NKAIN3: variants seen among roughly 807,000 people sequenced by gnomAD.
NKAIN3 encodes the protein sodium/potassium-transporting ATPase subunit beta-1-interacting protein 3.
In NKAIN3, 25 loss-of-function variants were observed where a neutral mutation model predicts 30.2. That is an observed-to-expected ratio of 0.83 (90% confidence interval 0.60 to 1.16). NKAIN3 has a LOEUF of 1.16. Among genes scored for constraint, NKAIN3 ranks in the 50% most tolerant of loss-of-function variants. NKAIN3 has a pLI of 0.00. For synonymous variants in NKAIN3, 91 were observed against 89.6 expected, an observed-to-expected ratio of 1.02 and a Z score of -0.09; for missense variants, 225 against 254.1, an observed-to-expected ratio of 0.89 and a Z score of 0.78.
chr8:62,756,990 G>A (rs149291794), intron 4 of NKAIN3, among the ~76,000 whole-genome samples: 2 of 152,230 alleles, frequency 1.3e-5, no homozygotes, highest in African/African-American at 4.8e-5. Flanking sequence ...ATGCAAACAT[G>A]AGTTATGACA....
chr8:62,260,234 GGA>G (rs1221871713), intron 1 of NKAIN3, among the ~76,000 whole-genome samples: 1 of 151,930 alleles, frequency 6.6e-6, no homozygotes, highest in Admixed American at 6.6e-5. Flanking sequence ...TTTGCATGTG[GGA>G]AGCCATAGGC....
At chr8:62,779,857 G>T (rs193226942) in intron 4 of NKAIN3, among the ~76,000 whole-genome samples, 139 of 151,662 alleles carry the variant, frequency 9.2e-4, no homozygotes, top group Middle Eastern at 6.8e-3. Context: ...GAAAATCTTA[G>T]AAAAAATTCA....
chr8:62,535,187 G>A (rs1035885445), intron 1 of NKAIN3, among the ~76,000 whole-genome samples: 1 of 152,278 alleles, frequency 6.6e-6, no homozygotes, highest in South Asian at 2.1e-4. Context: ...AGTACTGACA[G>A]CACATGCCAC....
At chr8:62,285,135 C>T (rs918818349) in intron 1 of NKAIN3, among the ~76,000 whole-genome samples, 1 of 152,004 alleles carries the variant, frequency 6.6e-6, no homozygotes, top group Non-Finnish European at 1.5e-5. Flanking sequence ...CTGGTGTATC[C>T]CACGCTTCGC....
At chr8:62,887,358 GC>G (rs539783507) in intron 4 of NKAIN3, among the ~76,000 whole-genome samples, 105 of 151,414 alleles carry the variant, frequency 6.9e-4, no homozygotes, top group Admixed American at 3.0e-3. Context: ...AGTTTTTTTG[GC>G]ATTTATCCTG....
chr8:62,863,690 GC>G (rs1820328490), intron 4 of NKAIN3: 4 of 1,444,068 alleles, frequency 2.8e-6, no homozygotes, highest in African/African-American at 1.4e-5. Context: ...TTCATCCAAG[GC>G]TGTGTCTGTA....
intron 1 of NKAIN3, among the ~76,000 whole-genome samples, chr8:62,353,730 A>G (rs1269599967): frequency 6.6e-6 from 1 of 152,190 alleles, no homozygotes; most frequent in East Asian, 1.9e-4. Context: ...TCCTACCCTT[A>G]TAGAGAATTT....
At chr8:62,920,111 CA>C (rs1303828201) in intron 5 of NKAIN3, among the ~76,000 whole-genome samples, 1 of 151,852 alleles carries the variant, frequency 6.6e-6, no homozygotes, top group Admixed American at 6.6e-5. Flanking sequence ...GCTGCACAGC[CA>C]AAAAACAGTT....
chr8:62,631,965 G>C (rs1811976864), intron 3 of NKAIN3, among the ~76,000 whole-genome samples: 1 of 152,100 alleles, frequency 6.6e-6, no homozygotes, highest in Non-Finnish European at 1.5e-5. Context: ...GTTAGGCACT[G>C]GATAATACAT....
At chr8:62,552,822 G>A (rs184641900) in intron 1 of NKAIN3, among the ~76,000 whole-genome samples, 8 of 152,298 alleles carry the variant, frequency 5.3e-5, no homozygotes, top group Admixed American at 5.2e-4. Flanking sequence ...ATCACTAGAA[G>A]GTGATTCTGA....
At chr8:62,765,253 AAAAAAAAAAAAAAG>A in intron 4 of NKAIN3, among the ~76,000 whole-genome samples, 1 of 145,930 alleles carries the variant, frequency 6.9e-6, no homozygotes. Context: ...TCTCAAAAAA[AAAAAAAAAAAAAAG>A]AAAAGAAAAG....
At chr8:62,671,639 G>T (rs920762568) in intron 3 of NKAIN3, among the ~76,000 whole-genome samples, 1 of 152,058 alleles carries the variant, frequency 6.6e-6, no homozygotes, top group African/African-American at 2.4e-5. Flanking sequence ...TAATACAGAA[G>T]GATTTATTAG....
At chr8:62,469,784 A>C (rs1427956212) in intron 1 of NKAIN3, among the ~76,000 whole-genome samples, 1 of 152,180 alleles carries the variant, frequency 6.6e-6, no homozygotes, top group Non-Finnish European at 1.5e-5. Context: ...ACTAAGAAAG[A>C]TTGCAGTGTA....
chr8:62,858,323 C>G (rs1277505299), intron 4 of NKAIN3, among the ~76,000 whole-genome samples: 2 of 151,918 alleles, frequency 1.3e-5, no homozygotes, highest in Non-Finnish European at 2.9e-5. Flanking sequence ...CTCACCCAGT[C>G]AGAAGAAAAG....
At chr8:62,931,714 G>A (rs1271690292) in intron 5 of NKAIN3, among the ~76,000 whole-genome samples, 1 of 152,108 alleles carries the variant, frequency 6.6e-6, no homozygotes, top group African/African-American at 2.4e-5. Context: ...AAATAATCTA[G>A]CAGGCCACAG....
intron 1 of NKAIN3, among the ~76,000 whole-genome samples, chr8:62,379,755 G>A (rs945705318): frequency 2.0e-5 from 3 of 152,102 alleles, no homozygotes; most frequent in African/African-American, 7.2e-5. Context: ...CCAGTCTCTG[G>A]TATTTCTTCA....
chr8:62,856,691 C>A, intron 4 of NKAIN3: 2 of 752,884 alleles, frequency 2.7e-6, no homozygotes, highest in Non-Finnish European at 4.9e-6. Context: ...TGTGGCCCAT[C>A]AGGTCTTGGA....
At chr8:62,990,491 A>G in intron 5 of NKAIN3, 1 of 520,804 alleles carries the variant, frequency 1.9e-6, no homozygotes, top group Non-Finnish European at 2.6e-6. Context: ...TTATCTTAGC[A>G]TCTTACCTGG....
chr8:62,278,692 T>C (rs1448344706), intron 1 of NKAIN3, among the ~76,000 whole-genome samples: 5 of 152,188 alleles, frequency 3.3e-5, no homozygotes, highest in Admixed American at 6.5e-5. Context: ...TCCATGTCCC[T>C]ATAAAGGACA....
Sources: allele counts gnomAD v4.1 joint callset (sites outside exome capture counted in the v4.1 genomes callset), GRCh38; gene constraint gnomAD v4.1.1; transcripts MANE v1.5; gene names NCBI Gene and HGNC (gene_info 2026-07-23, HGNC 2026-07-21).